MRPL49: variants seen among roughly 807,000 people sequenced by gnomAD.
MRPL49 encodes large ribosomal subunit protein mL49.
A neutral mutation model predicts 18.4 loss-of-function variants in MRPL49; 14 were observed. The observed-to-expected ratio is 0.76, with a 90% CI of 0.50 to 1.19. The LOEUF (loss-of-function observed/expected upper bound fraction) is 1.19, where lower values mean the gene tolerates loss of function less well. Among genes scored for constraint, MRPL49 ranks in the 50% most tolerant of loss-of-function variants. MRPL49 has a pLI of 0.00. For synonymous variants in MRPL49, 104 were observed against 86.2 expected (o/e 1.21, Z -1.14); for missense variants, 190 against 217.8 (o/e 0.87, Z 0.80).
Position 65,127,254 on chromosome 11 carries a change from G to A in MRPL49, c.*1382G>A, listed in dbSNP as rs747975910. On this transcript the variant is annotated 3_prime_UTR_variant, in exon 4 of 4. Transcript: ENST00000279242. Reference sequence around the variant, plus strand: ...CAAGGAGCCCGACACTGATTTGATCGATTCTGTGACACAAACCCCACCAAT... The same window carrying A: ...CAAGGAGCCCGACACTGATTTGATCAATTCTGTGACACAAACCCCACCAAT... The A allele has an allele frequency of 1.2e-5, 6 of 497,044 alleles. No individual in the cohort carries two copies. Among genetic ancestry groups the A allele is most frequent in the East Asian group, 6.6e-5 (2 of 30,256 alleles). 30.8% of individuals were successfully genotyped at this position (497,044 alleles called of 1,614,324 possible). A position where few individuals can be genotyped will look rare whatever the true frequency, so the allele number is the denominator to read the frequency against.
Position 65,125,609 on chromosome 11 carries a change from C to A in MRPL49, c.351C>A (p.Ile117=). Residue 117 remains isoleucine, a synonymous_variant, in exon 3 of 4, where the codon ATC becomes ATA. Transcript: ENST00000279242. ...TGATCCGGAAAGTGGAAGGGGACAT[C>A]TGGGTAAGTGGGTGGGTGGGTCTGG... ...MTVIRKVEGD[I]WALQKDVEDF... is the part of the protein sequence containing the mutation. 7.8e-7 allele frequency: 1 copy of A among 1,287,906 alleles called. No homozygotes were observed. The allele number at this position is 1,287,906 out of a possible 1,614,324, so 79.8% of individuals were successfully genotyped here.
chr11:65,124,694 C>A, intron 2 of MRPL49, 42 bp downstream of exon 2: 1 of 1,601,940 alleles, frequency 6.2e-7, no homozygotes, highest in South Asian at 1.1e-5. Context: ...CTTCACGGAG[C>A]ATCACCTCCT....
intron 1 of MRPL49, among the ~76,000 whole-genome samples, chr11:65,122,820 C>T (rs187832134): frequency 1.3e-5 from 2 of 151,312 alleles, no homozygotes; most frequent in Non-Finnish European, 2.9e-5. Context: ...CCCAGATTCA[C>T]GCCATCCTCC....
At position 65,126,643 on chromosome 11, in the gene MRPL49, T is replaced by C. The variant is rs1174474313; in HGVS notation, c.*771T>C. On this transcript the variant is annotated 3_prime_UTR_variant, in exon 4 of 4. Transcript: ENST00000279242. ...GCCAGATCTTGTTTGGTGCAGGTGA[T>C]GGAGAACACAGATGACTCGGGCATG... 8.7e-6 allele frequency: 2 copies of C among 229,020 alleles called. No homozygotes were observed. The highest frequency in any genetic ancestry group is 2.3e-5 in the African/African-American group (1 of 44,186). 14.2% of individuals were successfully genotyped at this position (229,020 alleles called of 1,614,324 possible). A position where few individuals can be genotyped will look rare whatever the true frequency, so the allele number is the denominator to read the frequency against.
intron 2 of MRPL49, 72 bp from the exon 3 acceptor site, chr11:65,125,416 G>C: frequency 6.2e-7 from 1 of 1,600,208 alleles, no homozygotes; most frequent in Non-Finnish European, 8.5e-7. Flanking sequence ...TGCAGACTGA[G>C]AGCAAGGGCC....
Position 65,126,035 on chromosome 11 carries a change from C to G in MRPL49, c.*163C>G. 1 of 736,670 alleles carries G rather than the reference C, an allele frequency of 1.4e-6. No homozygotes were observed. The highest frequency in any genetic ancestry group is 2.1e-5 in the South Asian group (1 of 48,246). 45.6% of individuals were successfully genotyped at this position (736,670 alleles called of 1,614,324 possible). On this transcript the variant is annotated 3_prime_UTR_variant, in exon 4 of 4. Coordinates refer to ENST00000279242, the MANE Select transcript of MRPL49 (RefSeq NM_004927.4). ...TGCTTGCATAAAGGAGAAAACAACT[C>G]TATGTACATGCTGGGGGAGAGTGCC...
upstream of MRPL49, chr11:65,122,206 C>T (rs1358170767): frequency 1.2e-6 from 1 of 848,518 alleles, no homozygotes. Flanking sequence ...CGCGCGGTTC[C>T]CTGCTATTTG....
intron 1 of MRPL49, 191 bp downstream of exon 1, chr11:65,122,615 C>T: frequency 1.7e-6 from 1 of 590,812 alleles, no homozygotes; most frequent in African/African-American, 1.9e-5. Flanking sequence ...TCTTTGGGAG[C>T]ACTTAACACA....
intron 1 of MRPL49, among the ~76,000 whole-genome samples, chr11:65,123,463 G>A (rs1425481646): frequency 5.9e-5 from 9 of 152,248 alleles, no homozygotes; most frequent in Non-Finnish European, 1.3e-4. Context: ...GGCCAGGCAC[G>A]GTGGCTCACG....
At chr11:65,123,230 CTT>C (rs973358409) in intron 1 of MRPL49, among the ~76,000 whole-genome samples, 1 of 152,160 alleles carries the variant, frequency 6.6e-6, no homozygotes, top group African/African-American at 2.4e-5. Flanking sequence ...TACATATACT[CTT>C]TTGCATCCCA....
At chr11:65,124,874 C>T (rs1301930825) in intron 2 of MRPL49, 6 of 471,252 alleles carry the variant, frequency 1.3e-5, no homozygotes, top group Non-Finnish European at 2.2e-5. Context: ...TCAGGTCTTC[C>T]CCATATGGGG....
intron 1 of MRPL49, among the ~76,000 whole-genome samples, chr11:65,124,096 CA>C (rs1441028089): frequency 6.6e-6 from 1 of 152,202 alleles, no homozygotes; most frequent in Non-Finnish European, 1.5e-5. Context: ...CCATGTTGGC[CA>C]GGCTGGTGTT....
chr11:65,122,273 T>A, upstream of MRPL49: 2 of 1,546,674 alleles, frequency 1.3e-6, no homozygotes, highest in East Asian at 2.3e-5. Context: ...CGAACCTGCC[T>A]GGGCAGGCAG....
Position 65,125,495 on chromosome 11 carries a change from A to G in MRPL49, c.237A>G (p.Pro79=), listed in dbSNP as rs1034831297. Residue 79 remains proline (P), a synonymous_variant, in exon 3 of 4, where the codon CCA becomes CCG. Transcript: ENST00000279242. ...TGTCTTTCCCTGTTGCAGACCCCCC[A>G]CCCAACCTGCCTTACTTTGTACGAC... The part of the protein sequence containing the change: ...PSGWQPPRDP[P]PNLPYFVRRS... 3 of 1,613,496 alleles carry G rather than the reference A, an allele frequency of 1.9e-6. No homozygotes were observed. The highest frequency in any genetic ancestry group is 2.5e-6 in the Non-Finnish European group (3 of 1,179,838).
Position 65,127,079 on chromosome 11 carries a change from G to A in MRPL49, c.*1207G>A, listed in dbSNP as rs1948110517. On this transcript the variant is annotated 3_prime_UTR_variant, in exon 4 of 4. Coordinates refer to ENST00000279242, the MANE Select transcript of MRPL49 (RefSeq NM_004927.4). ...AACTTGGTCTCTGCCCTGAAGCAGGGCACTGAACTCTGGGCTGCTTCTCTG... is the reference window on the plus strand; with the variant it reads ...AACTTGGTCTCTGCCCTGAAGCAGGACACTGAACTCTGGGCTGCTTCTCTG... The A allele has an allele frequency of 7.1e-6, 5 of 701,978 alleles. No individual in the cohort carries two copies. Among genetic ancestry groups the A allele is most frequent in the Non-Finnish European group, 1.3e-5 (5 of 384,762 alleles). The allele number at this position is 701,978 out of a possible 1,614,324, so 43.5% of individuals were successfully genotyped here.
rs114303545 is a variant in MRPL49, at chr11:65,127,102, C to T, written c.*1230C>T. On this transcript the variant is annotated 3_prime_UTR_variant, in exon 4 of 4. Transcript: ENST00000279242. Reference sequence around the variant, plus strand: ...GGGCACTGAACTCTGGGCTGCTTCTCTGTGTGTAAAATGGGCACATCTTCC... The same window carrying T: ...GGGCACTGAACTCTGGGCTGCTTCTTTGTGTGTAAAATGGGCACATCTTCC... 1 of 696,996 alleles carries T rather than the reference C, an allele frequency of 1.4e-6. No homozygotes were observed. The highest frequency in any genetic ancestry group is 2.6e-6 in the Non-Finnish European group (1 of 382,806). 43.2% of individuals were successfully genotyped at this position (696,996 alleles called of 1,614,324 possible).
In MRPL49 at chr11:65,127,005, C is replaced by A; in HGVS notation, c.*1133C>A. Reference sequence around the variant, plus strand: ...TCACAGGGGCCAAAGGCCTGAGACCCCACCCTGCCCCCAAACTGGCTAAGA... The same window carrying A: ...TCACAGGGGCCAAAGGCCTGAGACCACACCCTGCCCCCAAACTGGCTAAGA... On this transcript the variant is annotated 3_prime_UTR_variant, in exon 4 of 4. Transcript: ENST00000279242. 1.4e-6 allele frequency: 1 copy of A among 695,336 alleles called. No individual in the cohort carries two copies. Among genetic ancestry groups the A allele is most frequent in the Non-Finnish European group, 2.6e-6 (1 of 381,794 alleles). 43.1% of individuals were successfully genotyped at this position (695,336 alleles called of 1,614,324 possible).
At position 65,126,291 on chromosome 11, in the gene MRPL49, CA is replaced by C. The variant is rs1948101336; in HGVS notation, c.*420del. Reference sequence around the variant, plus strand: ...CTGGGATTACAGGCGCCCACCACCACAGCCTGCTAATTTTTGTATTTTTAGT... The same window carrying C: ...CTGGGATTACAGGCGCCCACCACCACGCCTGCTAATTTTTGTATTTTTAGT... On this transcript the variant is annotated 3_prime_UTR_variant, in exon 4 of 4. Coordinates refer to ENST00000279242, the MANE Select transcript of MRPL49 (RefSeq NM_004927.4). 6.4e-6 allele frequency: 1 copy of C among 156,688 alleles called. No homozygotes were observed. Among genetic ancestry groups the C allele is most frequent in the Non-Finnish European group, 1.4e-5 (1 of 71,132 alleles). 9.7% of individuals were successfully genotyped at this position (156,688 alleles called of 1,614,324 possible). A position where few individuals can be genotyped will look rare whatever the true frequency, so the allele number is the denominator to read the frequency against.
At chr11:65,122,671 C>T (rs1198616139) in intron 1 of MRPL49, among the ~76,000 whole-genome samples, 4 of 150,154 alleles carry the variant, frequency 2.7e-5, no homozygotes, top group African/African-American at 9.8e-5. Context: ...AGGTAAGGGG[C>T]GGGGTCCTAG....
Sources: gnomAD v4.1 joint callset for allele counts (sites outside exome capture counted in the v4.1 genomes callset) on GRCh38, gnomAD v4.1.1 for gene constraint, MANE v1.5 for transcripts, NCBI Gene and HGNC (gene_info 2026-07-23, HGNC 2026-07-21) for gene names.